Variants in FMNL2 observed in about 807,000 individuals in gnomAD.
FMNL2 encodes the protein formin like 2.
A neutral mutation model predicts 130.2 loss-of-function variants in FMNL2; 51 were observed. The ratio of observed to expected loss-of-function variants is 0.39; its 90% CI spans 0.31 to 0.49. FMNL2 has a LOEUF of 0.49. Ranked by LOEUF, FMNL2 falls within the 20% of genes least tolerant of loss-of-function variation. The pLI is 0.85. For synonymous variants in FMNL2, 465 were observed against 467.1 expected (o/e 1.00, Z 0.06); for missense variants, 977 against 1,316.2 (o/e 0.74, Z 3.99).
In FMNL2 at chr2:152,375,877, C is replaced by CTCTATATATATATATATATA. The variant is rs796954245; in HGVS notation, c.117+40158_117+40159insCTATATATATATATATATAT. Among the ~76,000 whole-genome samples, 30 of 112,464 alleles carry CTCTATATATATATATATATA rather than the reference C, an allele frequency of 2.7e-4. No individual in the cohort carries two copies. The East Asian group carries it at 3.3e-3, about 12-fold the overall frequency. The allele number at this position is 112,464 out of a possible 152,430, so 73.8% of individuals were successfully genotyped here. On this transcript the variant is annotated intron_variant, in intron 1 of 25. Transcript: ENST00000288670. Reference sequence around the variant, plus strand: ...TCTCTCTCTCTCTCTCTCTCTCTCTCTATATATATATATATATATAATTAT... The same window carrying CTCTATATATATATATATATA: ...TCTCTCTCTCTCTCTCTCTCTCTCTCTCTATATATATATATATATATATATATATATATATATATAATTAT...
chr2:152,533,484 C>T (rs965336253), intron 2 of FMNL2, among the ~76,000 whole-genome samples: 1 of 149,904 alleles, frequency 6.7e-6, no homozygotes, highest in Non-Finnish European at 1.5e-5. Flanking sequence ...TATTTTTATC[C>T]TTACGCCAAT....
At chr2:152,603,399 G>GT (rs138427461) in intron 9 of FMNL2, among the ~76,000 whole-genome samples, 54,572 of 135,074 alleles carry the variant, frequency 0.4, 11,786 homozygotes, top group East Asian at 0.71. Context: ...ATTTAAGTCT[G>GT]TTTTTTTTTT....
chr2:152,551,130 A>G (rs1694914040), intron 4 of FMNL2, among the ~76,000 whole-genome samples: 1 of 135,968 alleles, frequency 7.4e-6, no homozygotes, highest in African/African-American at 2.9e-5. Flanking sequence ...ACAGAACAAG[A>G]CTCCATCTCA....
rs1482800120 is a variant in FMNL2, at chr2:152,569,685, A to G, written c.597-5451A>G. Among the ~76,000 whole-genome samples the G allele has an allele frequency of 8.6e-4, 126 of 145,936 alleles. 5 individuals carry two copies. The highest frequency in any genetic ancestry group is 6.0e-5 in the Non-Finnish European group (4 of 66,356). On this transcript the variant is annotated intron_variant, in intron 6 of 25. Transcript: ENST00000288670. Reference sequence around the variant, plus strand: ...GACAAGGTGAGACCCTGTCTCAAAAAAAAAAAAAAAAAGGAAGTTAAAAAA... The same window carrying G: ...GACAAGGTGAGACCCTGTCTCAAAAGAAAAAAAAAAAAGGAAGTTAAAAAA...
At chr2:152,525,695 A>T (rs1693351673) in intron 2 of FMNL2, among the ~76,000 whole-genome samples, 1 of 152,134 alleles carries the variant, frequency 6.6e-6, no homozygotes, top group South Asian at 2.1e-4. Context: ...AGCCACTTAG[A>T]CTCAGCTTCC....
intron 3 of FMNL2, among the ~76,000 whole-genome samples, chr2:152,543,196 A>T (rs1184566697): frequency 2.0e-5 from 3 of 152,142 alleles, no homozygotes; most frequent in Non-Finnish European, 2.9e-5. Context: ...ACCTTGAAAA[A>T]TCACTGGGCC....
At chr2:152,395,097 G>C (rs181999071) in intron 1 of FMNL2, among the ~76,000 whole-genome samples, 1 of 152,230 alleles carries the variant, frequency 6.6e-6, no homozygotes, top group East Asian at 1.9e-4. Context: ...CCACAAAGCT[G>C]TAATTTAAAA....
intron 11 of FMNL2, among the ~76,000 whole-genome samples, chr2:152,612,210 C>T (rs1698719991): frequency 6.6e-6 from 1 of 152,140 alleles, no homozygotes; most frequent in Non-Finnish European, 1.5e-5. Context: ...AGTTAAGAAA[C>T]AGAAACTTGT....
intron 9 of FMNL2, among the ~76,000 whole-genome samples, chr2:152,605,340 G>C (rs563865025): frequency 9.2e-5 from 14 of 152,022 alleles, no homozygotes; most frequent in African/African-American, 2.9e-4. Flanking sequence ...GTGTATTTTT[G>C]AGACAGGGTC....
chr2:152,625,835 C>T (rs780779038), intron 16 of FMNL2, among the ~76,000 whole-genome samples: 8 of 152,074 alleles, frequency 5.3e-5, no homozygotes, highest in Non-Finnish European at 1.0e-4. Context: ...ATAATAATTC[C>T]TTCCCTTAAT....
chr2:152,626,158 TC>T (rs1273992984), intron 16 of FMNL2, among the ~76,000 whole-genome samples: 2 of 152,178 alleles, frequency 1.3e-5, no homozygotes, highest in Admixed American at 6.5e-5. Flanking sequence ...TGGCTTAGCC[TC>T]CCAAGTAGCT....
At chr2:152,404,053 C>A (rs139166455) in intron 1 of FMNL2, among the ~76,000 whole-genome samples, 2 of 152,156 alleles carry the variant, frequency 1.3e-5, no homozygotes, top group African/African-American at 4.8e-5. Context: ...GGTGACAGAG[C>A]GAGACTCCGT....
At chr2:152,614,818 T>C (rs776501170) in intron 11 of FMNL2, 33 bp from the exon 12 acceptor site, 2 of 1,570,648 alleles carry the variant, frequency 1.3e-6, no homozygotes, top group East Asian at 2.3e-5. Flanking sequence ...ATAGATGAGC[T>C]AACACCACGT....
intron 1 of FMNL2, among the ~76,000 whole-genome samples, chr2:152,481,523 C>G (rs1247680469): frequency 2.0e-5 from 3 of 152,182 alleles, no homozygotes; most frequent in Non-Finnish European, 4.4e-5. Context: ...GCTTTTCCCC[C>G]AAGATTCTGA....
intron 9 of FMNL2, among the ~76,000 whole-genome samples, chr2:152,606,220 G>T (rs1233002524): frequency 6.6e-6 from 1 of 152,202 alleles, no homozygotes; most frequent in Non-Finnish European, 1.5e-5. Flanking sequence ...CAGAAAATTT[G>T]GAGTTTAGCA....
intron 1 of FMNL2, among the ~76,000 whole-genome samples, chr2:152,456,315 C>T (rs1425478233): frequency 6.6e-6 from 1 of 152,122 alleles, no homozygotes; most frequent in Non-Finnish European, 1.5e-5. Flanking sequence ...TAAGTGATCA[C>T]CTTGATCTCT....
At chr2:152,430,744 G>A (rs964152428) in intron 1 of FMNL2, among the ~76,000 whole-genome samples, 3 of 152,068 alleles carry the variant, frequency 2.0e-5, no homozygotes, top group East Asian at 3.9e-4. Context: ...ATGGTGGCAC[G>A]TGCCTGTAGT....
At chr2:152,600,050 C>T (rs1248503884) in intron 9 of FMNL2, among the ~76,000 whole-genome samples, 1 of 152,182 alleles carries the variant, frequency 6.6e-6, no homozygotes, top group Non-Finnish European at 1.5e-5. Flanking sequence ...TCATATAGCC[C>T]TCAGACTGCT....
chr2:152,476,691 TAA>T (rs70974865), intron 1 of FMNL2, among the ~76,000 whole-genome samples: 3 of 143,184 alleles, frequency 2.1e-5, no homozygotes, highest in African/African-American at 2.5e-5. Context: ...GACCCTGTCT[TAA>T]AAAAAAAAAA....
Sources: gnomAD v4.1 joint callset for allele counts (sites outside exome capture counted in the v4.1 genomes callset) on GRCh38, gnomAD v4.1.1 for gene constraint, MANE v1.5 for transcripts, NCBI Gene and HGNC (gene_info 2026-07-23, HGNC 2026-07-21) for gene names.